Variants in IPO8 observed in about 807,000 individuals in gnomAD.
The protein encoded by IPO8 is importin-8.
Under a neutral mutation model 141.2 loss-of-function variants are expected in IPO8, and 65 were observed. The observed-to-expected ratio is 0.46, with a 90% CI of 0.38 to 0.57. The LOEUF (loss-of-function observed/expected upper bound fraction) is 0.57. Ranked by LOEUF, IPO8 falls within the 20% of genes least tolerant of loss-of-function variation. The pLI, the probability that IPO8 is intolerant of heterozygous loss-of-function variation, is 0.00. For missense variants in IPO8, 980 were observed against 1,246.8 expected, an observed-to-expected ratio of 0.79 and a Z score of 3.22; for synonymous variants, 411 against 420.3, an observed-to-expected ratio of 0.98 and a Z score of 0.27.
chr12:30,654,226 C>G (rs1361875427), intron 17 of IPO8, among the ~76,000 whole-genome samples: 1 of 151,618 alleles, frequency 6.6e-6, no homozygotes, highest in Non-Finnish European at 1.5e-5. Flanking sequence ...TACTTAAGCT[C>G]TAAGATCTGA....
At chr12:30,688,165 T>C (rs553296217) in intron 2 of IPO8, among the ~76,000 whole-genome samples, 2 of 152,220 alleles carry the variant, frequency 1.3e-5, no homozygotes, top group East Asian at 3.9e-4. Flanking sequence ...TTCCAGATCA[T>C]AACTATCCTA....
intron 17 of IPO8, among the ~76,000 whole-genome samples, chr12:30,654,013 C>A (rs2052762517): frequency 6.6e-6 from 1 of 151,716 alleles, no homozygotes; most frequent in African/African-American, 2.4e-5. Context: ...ACACACAGAC[C>A]AATGGAACCG....
rs1331177851 is a variant in IPO8 at position 30,695,118 on chromosome 12, G to A, written c.84+446C>T. The stretch of plus-strand genomic sequence containing the variant: ...AGTCCTGCCAACCCGACAGGAGGAG[G>A]CGGTGGGCAGCGTGCTCCACAGCAA... On this transcript the variant is annotated intron_variant, in intron 1 of 24. Coordinates refer to ENST00000256079, the MANE Select transcript of IPO8 (RefSeq NM_006390.4). The surrounding 1 kb of genome is among the most constrained non-coding windows in gnomAD (Gnocchi z 4.2). The A allele has an allele frequency of 2.3e-6, 1 of 433,252 alleles. No homozygotes were observed. Among genetic ancestry groups the A allele is most frequent in the Non-Finnish European group, 4.6e-6 (1 of 217,964 alleles). The allele number at this position is 433,252 out of a possible 1,614,324, so 26.8% of individuals were successfully genotyped here. A position where few individuals can be genotyped will look rare whatever the true frequency, so the allele number is the denominator to read the frequency against.
At chr12:30,660,366 G>C (rs1489417851) in intron 16 of IPO8, among the ~76,000 whole-genome samples, 1 of 152,196 alleles carries the variant, frequency 6.6e-6, no homozygotes, top group African/African-American at 2.4e-5. Context: ...GTTAAGGAGA[G>C]GCCATGGGAT....
At chr12:30,671,657 A>G (rs1266153886) in intron 8 of IPO8, among the ~76,000 whole-genome samples, 4 of 136,944 alleles carry the variant, frequency 2.9e-5, no homozygotes, top group Non-Finnish European at 6.3e-5. Flanking sequence ...CCTGGGTGAT[A>G]GAGCGAGACT....
intron 19 of IPO8, among the ~76,000 whole-genome samples, chr12:30,650,280 C>T (rs1000895005): frequency 2.0e-5 from 3 of 151,742 alleles, no homozygotes; most frequent in East Asian, 1.9e-4. Context: ...TTTAACATTC[C>T]CATTTAATTT....
chr12:30,690,532 C>G lies in IPO8; in HGVS notation c.130G>C (p.Val44Leu), dbSNP rs569321284. 1 of 1,597,376 alleles carries G rather than the reference C, an allele frequency of 6.3e-7. No homozygotes were observed. The highest frequency in any genetic ancestry group is 1.4e-5 in the African/African-American group (1 of 73,826). Residue 44 changes from valine (V) to leucine (L), a missense_variant, in exon 2 of 25, where the codon GTC (valine) becomes CTC (leucine). Physicochemically the swap from Val to Leu is conservative, Grantham distance 32. Around this residue, in one of 3 missense-constraint regions of IPO8, gnomAD observed 16 missense variants for 46.6 expected, o/e 0.34. Coordinates refer to ENST00000256079, the MANE Select transcript of IPO8 (RefSeq NM_006390.4). Reference sequence around the variant, plus strand: ...ACTGGGAATTCCACATGGTCAGAGACTATAATCCGAAGTAAACTGGGGGCA... The same window carrying G: ...ACTGGGAATTCCACATGGTCAGAGAGTATAATCCGAAGTAAACTGGGGGCA... ...NFAPSLLRIIVSDHVEFPVRQ... is the reference protein window; with the variant it reads ...NFAPSLLRIILSDHVEFPVRQ...
chr12:30,679,894 G>C (rs954557993), intron 5 of IPO8, among the ~76,000 whole-genome samples: 8 of 151,948 alleles, frequency 5.3e-5, no homozygotes, highest in Non-Finnish European at 1.0e-4. Context: ...TCAAGGATTT[G>C]ATGTTAAATA....
At chr12:30,657,159 G>C (rs758374595) in intron 16 of IPO8, among the ~76,000 whole-genome samples, 2 of 152,036 alleles carry the variant, frequency 1.3e-5, no homozygotes, top group Non-Finnish European at 2.9e-5. Flanking sequence ...TTTGCATGGG[G>C]CATGGGGAAG....
At chr12:30,665,926 T>TA in intron 11 of IPO8, 81 bp from the exon 12 acceptor site, 1 of 908,322 alleles carries the variant, frequency 1.1e-6, no homozygotes, top group Non-Finnish European at 1.7e-6. Flanking sequence ...CACAAATTTT[T>TA]AAAAATAAAG....
chr12:30,689,887 TTGA>T (rs2053275260), intron 2 of IPO8, among the ~76,000 whole-genome samples: 1 of 152,234 alleles, frequency 6.6e-6, no homozygotes, highest in Non-Finnish European at 1.5e-5. Flanking sequence ...CCTTTAGCTT[TTGA>T]TTATTATCTT....
intron 3 of IPO8, among the ~76,000 whole-genome samples, chr12:30,683,935 A>C (rs1402729171): frequency 6.6e-6 from 1 of 152,324 alleles, no homozygotes; most frequent in East Asian, 1.9e-4. Flanking sequence ...AATTCCCAGA[A>C]TCAGTCTCTC....
chr12:30,693,051 T>G (rs575536438), intron 1 of IPO8, among the ~76,000 whole-genome samples: 1 of 152,238 alleles, frequency 6.6e-6, no homozygotes, highest in Non-Finnish European at 1.5e-5. Flanking sequence ...GAAAATTGCA[T>G]GTACACATGC....
intron 12 of IPO8, among the ~76,000 whole-genome samples, 158 bp from the exon 13 acceptor site, chr12:30,665,467 CCTTAT>C (rs2052949602): frequency 6.6e-6 from 1 of 152,078 alleles, no homozygotes; most frequent in Non-Finnish European, 1.5e-5. Context: ...ACAAATATTA[CCTTAT>C]ATCAGTTTGA....
rs569655671 is a variant in IPO8, at chr12:30,638,706, G to A, written c.2489+809C>T. Among the ~76,000 whole-genome samples the A allele has an allele frequency of 2.1e-4, 32 of 151,892 alleles. No homozygotes were observed. The South Asian group carries it at 4.2e-3, about 20-fold the overall frequency. ...TTTTGAGATGGAGTCTCACTCTGTC[G>A]CCCAGGCTGGAGTGCAGTGGCACGA... On this transcript the variant is annotated intron_variant, in intron 21 of 24. Transcript: ENST00000256079.
At position 30,634,253 on chromosome 12, in the gene IPO8, A is replaced by G. The variant is rs1212976156; in HGVS notation, c.2729T>C (p.Val910Ala). The change falls in exon 23 of 25, where the codon GTA becomes GCA. Residue 910 changes from valine (V) to alanine (A), a missense_variant. Physicochemically the swap from Val to Ala is moderately conservative, Grantham distance 64 (BLOSUM62 0). This residue lies in a region of IPO8 where 924 missense variants were observed against 1,153.9 expected (regional missense o/e 0.80). Coordinates refer to ENST00000256079, the MANE Select transcript of IPO8 (RefSeq NM_006390.4). ...EISSDEEETN[V>A]TAQAMQSNNG... ...ATTTGACTGCATTGCTTGAGCAGTT[A>G]CATTTGTCTCCTCTTCATCACTTGA... is the stretch of plus-strand genomic sequence containing the variant. 5 of 1,613,784 alleles carry G rather than the reference A, an allele frequency of 3.1e-6. No individual in the cohort carries two copies. Among genetic ancestry groups the G allele is most frequent in the East Asian group, 2.2e-5 (1 of 44,866 alleles).
chr12:30,662,678 TATAAGG>T, intron 14 of IPO8, 191 bp from the exon 15 acceptor site: 1 of 610,222 alleles, frequency 1.6e-6, no homozygotes, highest in South Asian at 1.9e-5. Context: ...CCAAGAGTAA[TATAAGG>T]ATAAGAAGTC....
At chr12:30,652,346 T>G in intron 18 of IPO8, 57 bp from the exon 19 acceptor site, 2 of 999,362 alleles carry the variant, frequency 2.0e-6, no homozygotes, top group Non-Finnish European at 3.1e-6. Flanking sequence ...AAATAAATTA[T>G]TCCCACTGAA....
intron 17 of IPO8, among the ~76,000 whole-genome samples, chr12:30,653,302 G>A (rs2136141012): frequency 6.6e-6 from 1 of 151,862 alleles, no homozygotes; most frequent in East Asian, 1.9e-4. Context: ...GTTCAATAAG[G>A]CAAGGCAAAA....
Sources: allele counts gnomAD v4.1 joint callset (sites outside exome capture counted in the v4.1 genomes callset), GRCh38; gene constraint gnomAD v4.1.1; regional missense constraint gnomAD v4.1.1; non-coding constraint Gnocchi (gnomAD v3.1); transcripts MANE v1.5; gene names NCBI Gene and HGNC (gene_info 2026-07-23, HGNC 2026-07-21).